FLNB: variants seen among roughly 807,000 people sequenced by gnomAD.
FLNB encodes filamin-B.
A neutral mutation model predicts 250.6 loss-of-function variants in FLNB; 111 were observed. The observed-to-expected ratio is 0.44, with a 90% CI of 0.38 to 0.52. The LOEUF (loss-of-function observed/expected upper bound fraction) is 0.52, where lower values mean the gene tolerates loss of function less well. Among genes scored for constraint, FLNB ranks in the 20% least tolerant of loss-of-function variants. The pLI, the probability that FLNB is intolerant of heterozygous loss-of-function variation, is 0.00. For missense variants in FLNB, 2,869 were observed against 3,447.8 expected, an observed-to-expected ratio of 0.83 and a Z score of 4.20; for synonymous variants, 1,302 against 1,372.1, an observed-to-expected ratio of 0.95 and a Z score of 1.13.
intron 4 of FLNB, among the ~76,000 whole-genome samples, chr3:58,092,683 A>C (rs1464312632): frequency 6.6e-6 from 1 of 152,140 alleles, no homozygotes; most frequent in Non-Finnish European, 1.5e-5. Context: ...AAAACAGTAC[A>C]TGCAACTACC....
rs1385601258 is a variant in FLNB at position 58,098,868 on chromosome 3, C to T, written c.1305C>T (p.Asp435=). ...TGGTCAAGATCTTCTTTGCTGGGGA[C>T]ACTATTCCTAAGAGTCCCTTCGTTG... The part of the protein sequence containing the change: ...PHVVKIFFAG[D]TIPKSPFVVQ... The change falls in exon 8 of 46, where the codon GAC becomes GAT. Residue 435 remains aspartate, a synonymous_variant. Coordinates refer to ENST00000295956, the MANE Select transcript of FLNB (RefSeq NM_001457.4). The T allele has an allele frequency of 1.2e-6, 2 of 1,613,998 alleles. No homozygotes were observed. The highest frequency in any genetic ancestry group is 1.7e-6 in the Non-Finnish European group (2 of 1,180,016).
chr3:58,095,396 C>T (rs999102959), intron 5 of FLNB, among the ~76,000 whole-genome samples: 2 of 152,110 alleles, frequency 1.3e-5, no homozygotes, highest in Admixed American at 6.6e-5. Context: ...ACTGGGATTA[C>T]AGGGACCTGC....
chr3:58,139,160 T>G (rs1008502985), intron 29 of FLNB, among the ~76,000 whole-genome samples: 3 of 152,208 alleles, frequency 2.0e-5, no homozygotes, highest in Non-Finnish European at 4.4e-5. Flanking sequence ...CTTCCTCTGT[T>G]TATTTATTTT....
rs75758856 is a variant in FLNB at position 58,132,105 on chromosome 3, T to C, written c.4391-703T>C. 7.6e-3 allele frequency: 6,551 copies of C among 859,012 alleles called. 294 individuals carry two copies. In the African/African-American group the frequency reaches 0.096, roughly 13 times the overall value. The allele number at this position is 859,012 out of a possible 1,614,324, so 53.2% of individuals were successfully genotyped here. Reference sequence around the variant, plus strand: ...TCTAAAATTGCTTACACCTGCCTCATCTGCTTTGCTTAATGAGCATGCCAT... The same window carrying C: ...TCTAAAATTGCTTACACCTGCCTCACCTGCTTTGCTTAATGAGCATGCCAT... On this transcript the variant is annotated intron_variant, in intron 25 of 45. Coordinates refer to ENST00000295956, the MANE Select transcript of FLNB (RefSeq NM_001457.4).
chr3:58,155,282 C>G (rs2097351590), intron 40 of FLNB, among the ~76,000 whole-genome samples: 1 of 152,246 alleles, frequency 6.6e-6, no homozygotes, highest in Non-Finnish European at 1.5e-5. Context: ...GAGCTCTTAA[C>G]CTTTTGTGTG....
rs1250429180 is a variant in FLNB, at chr3:58,106,364, A to ATATATATATATATATATATATC, written c.1748-303_1748-302insATATATATCTATATATATATAT. ...AATGTATTTAATACTATATATATAT[A>ATATATATATATATATATATATC]TATATATATATATCCTCCTGGCCTC... On this transcript the variant is annotated intron_variant, in intron 11 of 45. Transcript: ENST00000295956. Among the ~76,000 whole-genome samples, 7 of 145,820 alleles carry ATATATATATATATATATATATC rather than the reference A, an allele frequency of 4.8e-5. 1 individual carries two copies. The highest frequency in any genetic ancestry group is 1.1e-4 in the Non-Finnish European group (7 of 66,666).
intron 43 of FLNB, among the ~76,000 whole-genome samples, chr3:58,167,709 G>A (rs769531680): frequency 6.6e-6 from 1 of 152,214 alleles, no homozygotes; most frequent in Non-Finnish European, 1.5e-5. Context: ...GTTCAAACCC[G>A]GCTCTACCAC....
At chr3:58,028,263 G>A (rs939028967) in intron 1 of FLNB, among the ~76,000 whole-genome samples, 3 of 152,184 alleles carry the variant, frequency 2.0e-5, no homozygotes, top group African/African-American at 7.2e-5. Flanking sequence ...TAGTAGTGGG[G>A]AGGTGGTCAT....
At chr3:58,102,421 C>T (rs1355559013) in intron 9 of FLNB, 81 bp downstream of exon 9, 3 of 1,458,212 alleles carry the variant, frequency 2.1e-6, no homozygotes, top group African/African-American at 1.4e-5. Context: ...CATCCCACGG[C>T]CAGTTGTCCT....
intron 23 of FLNB, 81 bp from the exon 24 acceptor site, chr3:58,126,521 G>A (rs1235040240): frequency 7.3e-7 from 1 of 1,373,906 alleles, no homozygotes; most frequent in African/African-American, 1.4e-5. Flanking sequence ...GTTTATAAAG[G>A]GAATTTGCAT....
chr3:58,056,177 C>G (rs1397687226), intron 1 of FLNB, among the ~76,000 whole-genome samples: 1 of 151,100 alleles, frequency 6.6e-6, no homozygotes, highest in African/African-American at 2.4e-5. Context: ...TCTCGGCTCA[C>G]TACTACCTCC....
chr3:58,148,349 C>A lies in FLNB; in HGVS notation c.5872C>A (p.Pro1958Thr), dbSNP rs755221425. The A allele has an allele frequency of 6.2e-7, 1 of 1,613,652 alleles. No homozygotes were observed. Among genetic ancestry groups the A allele is most frequent in the Non-Finnish European group, 8.5e-7 (1 of 1,179,840 alleles). Reference protein sequence around the residue: ...RDEPCLLKRLPNNHIGISFIP... With the variant: ...RDEPCLLKRLTNNHIGISFIP... ...CGAGCCCTGTCTCCTGAAGAGGCTG[C>A]CCAACAACCACATTGGTGAGCTAGG... is the stretch of plus-strand genomic sequence containing the variant. Residue 1958 changes from proline to threonine, a missense_variant, in exon 35 of 46, where the codon CCC (proline) becomes ACC (threonine). Physicochemically the swap from Pro to Thr is conservative, Grantham distance 38 (BLOSUM62 -1). This residue lies in a region of FLNB where 1,084 missense variants were observed against 1,315.5 expected (regional missense o/e 0.82). Coordinates refer to ENST00000295956, the MANE Select transcript of FLNB (RefSeq NM_001457.4).
At chr3:58,136,195 G>T in intron 28 of FLNB, 27 bp downstream of exon 28, 2 of 1,612,490 alleles carry the variant, frequency 1.2e-6, no homozygotes, top group South Asian at 1.1e-5. Context: ...TCAAGGTCAG[G>T]GGCACAGGCT....
intron 1 of FLNB, among the ~76,000 whole-genome samples, chr3:58,034,510 T>G (rs2097135346): frequency 6.6e-6 from 1 of 152,024 alleles, no homozygotes; most frequent in African/African-American, 2.4e-5. Flanking sequence ...TTACACCAAG[T>G]ATCGCACTTC....
At chr3:58,136,808 G>A (rs1429747820) in intron 28 of FLNB, among the ~76,000 whole-genome samples, 1 of 136,206 alleles carries the variant, frequency 7.3e-6, no homozygotes, top group Non-Finnish European at 1.5e-5. Context: ...CTGGAGTGCA[G>A]TGACGCAATC....
chr3:58,160,915 C>T (rs1434769739), intron 42 of FLNB, among the ~76,000 whole-genome samples: 1 of 152,002 alleles, frequency 6.6e-6, no homozygotes, highest in Non-Finnish European at 1.5e-5. Flanking sequence ...TCCAGGAGGT[C>T]GAGACTGCTG....
chr3:58,056,108 T>TATTTTTTA (rs200149385), intron 1 of FLNB, among the ~76,000 whole-genome samples: 5 of 126,812 alleles, frequency 3.9e-5, no homozygotes, highest in African/African-American at 2.1e-4. Context: ...TTTATTTATT[T>TATTTTTTA]TTTTTTTTTT....
At chr3:58,112,665 AC>A (rs1259407793) in intron 18 of FLNB, among the ~76,000 whole-genome samples, 1 of 151,950 alleles carries the variant, frequency 6.6e-6, no homozygotes, top group African/African-American at 2.4e-5. Context: ...ACACACACAT[AC>A]ACACACACAC....
rs372192183 is a variant in FLNB at position 58,078,865 on chromosome 3, G to A, written c.639+51G>A. ...TGAGGCTGCCCCCACCCACTAGCTT[G>A]TTCTGTGGATGCCTTCCCGGGTCAG... On this transcript the variant is annotated intron_variant, in intron 3 of 45. Transcript: ENST00000295956. 3 of 1,424,454 alleles carry A rather than the reference G, an allele frequency of 2.1e-6. No individual in the cohort carries two copies. The South Asian group carries it at 3.6e-5, about 17-fold the overall frequency. 88.2% of individuals were successfully genotyped at this position (1,424,454 alleles called of 1,614,324 possible).
Sources: gnomAD v4.1 joint callset for allele counts (sites outside exome capture counted in the v4.1 genomes callset) on GRCh38, gnomAD v4.1.1 for gene constraint, gnomAD v4.1.1 regional missense constraint, MANE v1.5 for transcripts, NCBI Gene and HGNC (gene_info 2026-07-23, HGNC 2026-07-21) for gene names.